GK: variants seen among roughly 807,000 people sequenced by gnomAD.
GK encodes the protein ATP:glycerol 3-phosphotransferase.
A neutral mutation model predicts 56.4 loss-of-function variants in GK; 9 were observed. The observed-to-expected ratio is 0.16, with a 90% CI of 0.10 to 0.28. The LOEUF is 0.28. Among genes scored for constraint, GK ranks in the 10% least tolerant of loss-of-function variants. GK has a pLI of 1.00. For synonymous variants in GK, 104 were observed against 144.1 expected (o/e 0.72, Z 1.99); for missense variants, 161 against 431.4 (o/e 0.37, Z 5.55).
intron 4 of GK, among the ~76,000 whole-genome samples, chrX:30,680,026 G>A (rs1934191021): frequency 9.0e-6 from 1 of 111,681 alleles, no homozygotes; most frequent in African/African-American, 3.3e-5. Context: ...CTTCACTTGG[G>A]CCTTGAAGCG....
intron 6 of GK, chrX:30,695,208 C>A (rs1601916899): frequency 1.3e-5 from 11 of 855,883 alleles, no homozygotes; most frequent in Non-Finnish European, 1.6e-5. Flanking sequence ...CTTGACAGAT[C>A]CACAGAGCAG....
chrX:30,718,486 A>C (rs750625495), intron 13 of GK, 52 bp from the exon 14 acceptor site: 1 of 832,865 alleles, frequency 1.2e-6, no homozygotes. Flanking sequence ...CTCAATAAAA[A>C]CCTTGGATAG....
intron 1 of GK, among the ~76,000 whole-genome samples, chrX:30,660,812 C>CTTTTTTTT (rs57537572): frequency 2.4e-5 from 2 of 83,366 alleles, no homozygotes; most frequent in Non-Finnish European, 2.3e-5. Context: ...TTTCTTTCTT[C>CTTTTTTTT]TTTTTTTTTT....
chrX:30,687,443 A>G (rs929213063), intron 4 of GK: 28 of 326,446 alleles, frequency 8.6e-5, no homozygotes, highest in African/African-American at 6.7e-4. Context: ...AACTTGCCCA[A>G]GTGATCTACC....
chrX:30,714,273 T>C (rs750456710), intron 13 of GK, among the ~76,000 whole-genome samples: 9 of 111,908 alleles, frequency 8.0e-5, no homozygotes, highest in African/African-American at 1.3e-4. Flanking sequence ...AAACAACACA[T>C]TTATTGTTTC....
chrX:30,719,102 G>C (rs780695253), intron 14 of GK, among the ~76,000 whole-genome samples: 2 of 111,192 alleles, frequency 1.8e-5, no homozygotes, highest in South Asian at 7.6e-4. Flanking sequence ...TCTGATTAGG[G>C]ACACACTAGA....
At chrX:30,666,049 A>T (rs1023894965) in intron 2 of GK, among the ~76,000 whole-genome samples, 13 of 112,075 alleles carry the variant, frequency 1.2e-4, no homozygotes, top group African/African-American at 4.2e-4. Flanking sequence ...ATATTATTTA[A>T]AATTTAATGA....
intron 18 of GK, chrX:30,721,296 C>CTTTTT: frequency 4.5e-6 from 1 of 223,257 alleles, no homozygotes; most frequent in Non-Finnish European, 8.0e-6. Flanking sequence ...TTAGAATAGC[C>CTTTTT]TTTTTTTTTT....
At chrX:30,668,973 G>A (rs1933273897) in intron 3 of GK, among the ~76,000 whole-genome samples, 1 of 110,599 alleles carries the variant, frequency 9.0e-6, no homozygotes, top group African/African-American at 3.3e-5. Flanking sequence ...GTGGGGTTGA[G>A]GGAAGAGATT....
chrX:30,725,994 C>T (rs1289373352), intron 19 of GK, among the ~76,000 whole-genome samples: 1 of 110,755 alleles, frequency 9.0e-6, no homozygotes, highest in Non-Finnish European at 1.9e-5. Flanking sequence ...TCCCTCCAAC[C>T]CCATGCCTTA....
intron 11 of GK, among the ~76,000 whole-genome samples, chrX:30,704,149 T>TATATATATATATATA (rs1429695034): frequency 1.9e-4 from 18 of 96,669 alleles, no homozygotes; most frequent in African/African-American, 6.0e-4. Context: ...TATATATATA[T>TATATATATATATATA]GAGATAGGGT....
At chrX:30,681,322 G>A (rs1272898206) in intron 4 of GK, among the ~76,000 whole-genome samples, 2 of 112,049 alleles carry the variant, frequency 1.8e-5, no homozygotes, top group Admixed American at 9.5e-5. Flanking sequence ...CAATTGATGG[G>A]GTTTTACCAT....
chrX:30,659,025 T>C lies in GK; in HGVS notation c.78+5410T>C, dbSNP rs936289875. Among the ~76,000 whole-genome samples, 17 of 112,403 alleles carry C rather than the reference T, an allele frequency of 1.5e-4. 1 individual carries two copies. The highest frequency in any genetic ancestry group is 3.6e-4 in the South Asian group (1 of 2,763). ...TGCCATTTACTACAATTTCTTTCTT[T>C]CTTTCTTTCTTTTCCTTTTTGAGAC... On this transcript the variant is annotated intron_variant, in intron 1 of 20. Coordinates refer to ENST00000427190, the MANE Select transcript of GK (RefSeq NM_001205019.2).
At chrX:30,680,438 G>C (rs1156379582) in intron 4 of GK, among the ~76,000 whole-genome samples, 1 of 111,971 alleles carries the variant, frequency 8.9e-6, no homozygotes. Flanking sequence ...ACAGGGGTTG[G>C]TGAGGATATA....
At chrX:30,691,934 ACTGC>A (rs1934956165) in intron 5 of GK, among the ~76,000 whole-genome samples, 1 of 111,215 alleles carries the variant, frequency 9.0e-6, no homozygotes, top group African/African-American at 3.3e-5. Flanking sequence ...GGCTAATAAA[ACTGC>A]CTAATTTTCA....
At chrX:30,702,875 G>A (rs979871635) in intron 11 of GK, among the ~76,000 whole-genome samples, 1 of 112,204 alleles carries the variant, frequency 8.9e-6, no homozygotes, top group African/African-American at 3.2e-5. Context: ...GCAAGAGTGT[G>A]ACATTATTTG....
chrX:30,654,724 G>A (rs1005115924), intron 1 of GK, among the ~76,000 whole-genome samples: 5 of 111,305 alleles, frequency 4.5e-5, no homozygotes, highest in Middle Eastern at 4.6e-3. Flanking sequence ...CCAACAGAGC[G>A]AGACTCTGTC....
chrX:30,686,046 G>A (rs987347578), intron 4 of GK, among the ~76,000 whole-genome samples: 1 of 112,664 alleles, frequency 8.9e-6, no homozygotes, highest in African/African-American at 3.2e-5. Context: ...TAGGGGAAAT[G>A]CAGAGCCTAC....
At chrX:30,725,683 A>C (rs1454593248) in intron 19 of GK, among the ~76,000 whole-genome samples, 1 of 110,983 alleles carries the variant, frequency 9.0e-6, no homozygotes, top group East Asian at 2.8e-4. Flanking sequence ...ATGGAGTCTC[A>C]CTCTGTTGCC....
Sources: gnomAD v4.1 joint callset for allele counts (sites outside exome capture counted in the v4.1 genomes callset) on GRCh38, gnomAD v4.1.1 for gene constraint, MANE v1.5 for transcripts, NCBI Gene and HGNC (gene_info 2026-07-23, HGNC 2026-07-21) for gene names.